PPP3CA: variants seen among roughly 807,000 people sequenced by gnomAD.
PPP3CA encodes the protein protein phosphatase 3 catalytic subunit alpha, also known as CAM-PRP catalytic subunit.
Under a neutral mutation model 66.5 loss-of-function variants are expected in PPP3CA, and 14 were observed. The ratio of observed to expected loss-of-function variants is 0.21; its 90% CI spans 0.14 to 0.33. PPP3CA has a LOEUF of 0.33. Ranked by LOEUF, PPP3CA falls within the 10% of genes least tolerant of loss-of-function variation. The pLI is 1.00. For synonymous variants in PPP3CA, 232 were observed against 226.2 expected, an observed-to-expected ratio of 1.03 and a Z score of -0.23; for missense variants, 317 against 639.5, an observed-to-expected ratio of 0.50 and a Z score of 5.44.
intron 1 of PPP3CA, among the ~76,000 whole-genome samples, chr4:101,321,375 CAAAG>C (rs770361551): frequency 8.1e-4 from 123 of 152,122 alleles, no homozygotes; most frequent in Middle Eastern, 6.8e-3. Context: ...TTTGAAGAAA[CAAAG>C]AAAAGAGCAT....
intron 2 of PPP3CA, among the ~76,000 whole-genome samples, chr4:101,140,545 C>T (rs1265357318): frequency 6.6e-6 from 1 of 152,126 alleles, no homozygotes; most frequent in African/African-American, 2.4e-5. Flanking sequence ...GTATTATCTT[C>T]TCTGGGTAAG....
chr4:101,154,808 A>ATTTTTTTTTTTTTT (rs779695561), intron 2 of PPP3CA, among the ~76,000 whole-genome samples: 3 of 90,582 alleles, frequency 3.3e-5, no homozygotes, highest in Admixed American at 1.5e-4. Context: ...CACTCCCAGA[A>ATTTTTTTTTTTTTT]TTTTTTTTTT....
chr4:101,290,316 C>T (rs1334528768), intron 1 of PPP3CA, among the ~76,000 whole-genome samples: 3 of 152,316 alleles, frequency 2.0e-5, no homozygotes, highest in Middle Eastern at 3.4e-3. Flanking sequence ...TTTGGTCACC[C>T]ATTCCGCTCC....
intron 1 of PPP3CA, among the ~76,000 whole-genome samples, chr4:101,294,388 C>T (rs1352673754): frequency 6.6e-6 from 1 of 152,180 alleles, no homozygotes; most frequent in Non-Finnish European, 1.5e-5. Context: ...TAGGCTCCTT[C>T]CAGTCCAGCA....
chr4:101,193,260 C>A (rs1724669189), intron 2 of PPP3CA, among the ~76,000 whole-genome samples: 1 of 152,194 alleles, frequency 6.6e-6, no homozygotes, highest in Non-Finnish European at 1.5e-5. Context: ...TAAATTGGAT[C>A]ACCAAAATGT....
At chr4:101,207,407 CA>C (rs1725166482) in intron 1 of PPP3CA, among the ~76,000 whole-genome samples, 1 of 152,180 alleles carries the variant, frequency 6.6e-6, no homozygotes, top group African/African-American at 2.4e-5. Context: ...AGAAGTAGTT[CA>C]GGGGGACAAA....
chr4:101,171,886 T>C (rs1191477935), intron 2 of PPP3CA, among the ~76,000 whole-genome samples: 1 of 152,200 alleles, frequency 6.6e-6, no homozygotes, highest in Non-Finnish European at 1.5e-5. Flanking sequence ...ATGTCTCTCA[T>C]TTACTATGTC....
At chr4:101,151,656 T>TC (rs1723144361) in intron 2 of PPP3CA, among the ~76,000 whole-genome samples, 1 of 118,312 alleles carries the variant, frequency 8.5e-6, no homozygotes, top group African/African-American at 3.0e-5. Context: ...GGTTTCCTTT[T>TC]TTTTTTTTTT....
chr4:101,276,933 T>C (rs1000574497), intron 1 of PPP3CA, among the ~76,000 whole-genome samples: 1 of 151,906 alleles, frequency 6.6e-6, no homozygotes, highest in Non-Finnish European at 1.5e-5. Flanking sequence ...TTACACATTC[T>C]ACGGATTTCA....
intron 8 of PPP3CA, among the ~76,000 whole-genome samples, chr4:101,075,176 G>C (rs1183667923): frequency 6.6e-6 from 1 of 152,204 alleles, no homozygotes; most frequent in Non-Finnish European, 1.5e-5. Context: ...AATTCAAGGT[G>C]AAATCTGGGT....
chr4:101,100,634 T>C (rs1477439115), intron 3 of PPP3CA, among the ~76,000 whole-genome samples: 1 of 152,174 alleles, frequency 6.6e-6, no homozygotes, highest in Non-Finnish European at 1.5e-5. Flanking sequence ...AACTGACATT[T>C]GTTAAGAATC....
chr4:101,118,152 G>A (rs1272039277), intron 2 of PPP3CA, among the ~76,000 whole-genome samples: 2 of 151,838 alleles, frequency 1.3e-5, no homozygotes, highest in Non-Finnish European at 2.9e-5. Flanking sequence ...TTAACACTGT[G>A]TCTCACTCAG....
intron 1 of PPP3CA, among the ~76,000 whole-genome samples, chr4:101,279,836 G>C (rs1727624496): frequency 6.6e-6 from 1 of 152,198 alleles, no homozygotes; most frequent in African/African-American, 2.4e-5. Flanking sequence ...TTTGCTCAGA[G>C]ACAGCTGCAG....
intron 1 of PPP3CA, among the ~76,000 whole-genome samples, chr4:101,329,340 G>C (rs961524387): frequency 6.6e-6 from 1 of 152,196 alleles, no homozygotes; most frequent in South Asian, 2.1e-4. Flanking sequence ...AAGGCTGAGA[G>C]AGGTGAGGAA....
intron 1 of PPP3CA, among the ~76,000 whole-genome samples, chr4:101,333,870 A>C (rs1729535821): frequency 6.6e-6 from 1 of 152,206 alleles, no homozygotes; most frequent in Non-Finnish European, 1.5e-5. Context: ...AGCAAAACTT[A>C]TACCGTGATT....
In PPP3CA at chr4:101,040,586, T is replaced by C. The variant is rs1190148804; in HGVS notation, c.1157-20A>G. ...TTGCACCTGTATTTTCAAACAGAGT[T>C]CAGTGGTCAGTAATTTTTTATCTAA... On this transcript the variant is annotated intron_variant, in intron 10 of 13. Transcript: ENST00000394854. 1.3e-6 allele frequency: 2 copies of C among 1,580,240 alleles called. No individual in the cohort carries two copies. The highest frequency in any genetic ancestry group is 3.5e-5 in the Admixed American group (2 of 56,398).
At chr4:101,208,223 A>G (rs1322342417) in intron 1 of PPP3CA, among the ~76,000 whole-genome samples, 1 of 151,348 alleles carries the variant, frequency 6.6e-6, no homozygotes, top group Admixed American at 6.6e-5. Flanking sequence ...ATGTTAAGTG[A>G]AAAGTAATCA....
intron 1 of PPP3CA, among the ~76,000 whole-genome samples, chr4:101,303,920 T>C (rs1193983410): frequency 2.0e-5 from 3 of 152,200 alleles, no homozygotes; most frequent in African/African-American, 7.2e-5. Flanking sequence ...ATATCTTCAC[T>C]GGTCAAACTT....
chr4:101,275,990 TC>T (rs1727485140), intron 1 of PPP3CA, among the ~76,000 whole-genome samples: 1 of 151,774 alleles, frequency 6.6e-6, no homozygotes, highest in Non-Finnish European at 1.5e-5. Flanking sequence ...GAACTCGAGA[TC>T]CCAAGAAATT....
Sources: allele counts gnomAD v4.1 joint callset (sites outside exome capture counted in the v4.1 genomes callset), GRCh38; gene constraint gnomAD v4.1.1; transcripts MANE v1.5; gene names NCBI Gene and HGNC (gene_info 2026-07-23, HGNC 2026-07-21).